CRK: variants seen among roughly 807,000 people sequenced by gnomAD.
CRK encodes CRK proto-oncogene, adaptor protein, also known as adapter molecule crk.
A neutral mutation model predicts 29.8 loss-of-function variants in CRK; 4 were observed. The observed-to-expected ratio is 0.13, with a 90% confidence interval of 0.07 to 0.31. The LOEUF is 0.31. Among genes scored for constraint, CRK ranks in the 10% least tolerant of loss-of-function variants. The pLI is 1.00. For missense variants in CRK, 274 were observed against 396.5 expected, an observed-to-expected ratio of 0.69 and a Z score of 2.62; for synonymous variants, 153 against 164.9, an observed-to-expected ratio of 0.93 and a Z score of 0.55.
chr17:1,428,236 A>G (rs1483075069), intron 2 of CRK, among the ~76,000 whole-genome samples: 1 of 150,028 alleles, frequency 6.7e-6, no homozygotes, highest in African/African-American at 2.5e-5. Flanking sequence ...CTCCTGCCTC[A>G]GCCTCCAGAG....
At chr17:1,453,579 G>C (rs1285848863) in intron 1 of CRK, among the ~76,000 whole-genome samples, 1 of 152,194 alleles carries the variant, frequency 6.6e-6, no homozygotes, top group African/African-American at 2.4e-5. Flanking sequence ...AGGATAATTT[G>C]TGAGCTTATA....
In CRK at chr17:1,456,044, G is replaced by A; in HGVS notation, c.74C>T (p.Ala25Val). The change falls in exon 1 of 3, where the codon GCG (alanine) becomes GTG (valine). Residue 25 changes from alanine to valine, a missense_variant. By Grantham distance (64) the Ala-to-Val change is moderately conservative. Transcript: ENST00000300574. ...WGRLSRQEAV[A>V]LLQGQRHGVF... ...CCCGTGCCGCTGGCCCTGCAGCAGC[G>A]CCACCGCCTCCTGCCGACTCAACCT... 1 of 1,593,580 alleles carries A rather than the reference G, an allele frequency of 6.3e-7. No homozygotes were observed. Among genetic ancestry groups the A allele is most frequent in the Non-Finnish European group, 8.5e-7 (1 of 1,172,150 alleles).
At chr17:1,453,321 T>C (rs763423123) in intron 1 of CRK, among the ~76,000 whole-genome samples, 28 of 152,150 alleles carry the variant, frequency 1.8e-4, no homozygotes, top group Admixed American at 3.3e-4. Context: ...TATGCTAAGA[T>C]ATGAAAAAAT....
chr17:1,429,924 CAA>C (rs958667439), intron 2 of CRK, among the ~76,000 whole-genome samples: 8 of 127,658 alleles, frequency 6.3e-5, no homozygotes, highest in African/African-American at 8.7e-5. Context: ...AGCCTGATCT[CAA>C]AAAAAAAAAA....
At chr17:1,431,292 C>T (rs1013787346) in intron 2 of CRK, among the ~76,000 whole-genome samples, 3 of 151,962 alleles carry the variant, frequency 2.0e-5, no homozygotes, top group Admixed American at 6.6e-5. Flanking sequence ...GGAAGAAGGC[C>T]GGAGGGGGTG....
intron 1 of CRK, among the ~76,000 whole-genome samples, chr17:1,448,716 A>G (rs2150912601): frequency 6.6e-6 from 1 of 151,434 alleles, no homozygotes; most frequent in Middle Eastern, 3.4e-3. Context: ...GCAATTTTCA[A>G]TTCATCCTCA....
chr17:1,422,786 A>G lies in CRK; in HGVS notation c.*727T>C. ...GACTGGCTGTCCACTTAGTGAATCCAACACTGGCTTAAAGCTATGCACTGA... is the reference window on the plus strand; with the variant it reads ...GACTGGCTGTCCACTTAGTGAATCCGACACTGGCTTAAAGCTATGCACTGA... On this transcript the variant is annotated 3_prime_UTR_variant, in exon 3 of 3. Coordinates refer to ENST00000300574, the MANE Select transcript of CRK (RefSeq NM_016823.4). The G allele has an allele frequency of 7.6e-6, 3 of 397,294 alleles. No individual in the cohort carries two copies. The highest frequency in any genetic ancestry group is 1.3e-5 in the Non-Finnish European group (3 of 225,542). The allele number at this position is 397,294 out of a possible 1,614,324, so 24.6% of individuals were successfully genotyped here. A position where few individuals can be genotyped will look rare whatever the true frequency, so the allele number is the denominator to read the frequency against.
At chr17:1,451,653 C>T (rs1373853126) in intron 1 of CRK, among the ~76,000 whole-genome samples, 11 of 152,052 alleles carry the variant, frequency 7.2e-5, no homozygotes, top group African/African-American at 1.9e-4. Flanking sequence ...AAGTTAAGGG[C>T]TGTAGTGCAC....
At chr17:1,441,786 G>A (rs577259312) in intron 1 of CRK, among the ~76,000 whole-genome samples, 6 of 152,076 alleles carry the variant, frequency 3.9e-5, no homozygotes, top group East Asian at 1.9e-4. Flanking sequence ...CACTGTGCCC[G>A]GCCCTTCACC....
Position 1,420,935 on chromosome 17 carries a change from T to A in CRK, c.*2578A>T, listed in dbSNP as rs1281567002. 1 of 152,188 alleles carries A rather than the reference T, an allele frequency of 6.6e-6. No homozygotes were observed. Among genetic ancestry groups the A allele is most frequent in the African/African-American group, 2.4e-5 (1 of 41,474 alleles). The allele number at this position is 152,188 out of a possible 1,614,324, so 9.4% of individuals were successfully genotyped here. A position where few individuals can be genotyped will look rare whatever the true frequency, so the allele number is the denominator to read the frequency against. ...TGTGGATAATTAAAAATTATCTATT[T>A]GCATTATTAACAATAAACAATTCCA... On this transcript the variant is annotated 3_prime_UTR_variant, in exon 3 of 3. Transcript: ENST00000300574.
At chr17:1,450,840 C>A (rs758952165) in intron 1 of CRK, among the ~76,000 whole-genome samples, 1 of 151,928 alleles carries the variant, frequency 6.6e-6, no homozygotes, top group Admixed American at 6.6e-5. Flanking sequence ...GAGCTGAGAT[C>A]GCGCCACTGC....
At chr17:1,440,820 C>G (rs920358980) in intron 1 of CRK, among the ~76,000 whole-genome samples, 26 of 152,266 alleles carry the variant, frequency 1.7e-4, no homozygotes, top group African/African-American at 6.3e-4. Context: ...GGGAGAATCG[C>G]CTGAGCCCAG....
intron 2 of CRK, among the ~76,000 whole-genome samples, chr17:1,431,799 C>G (rs1330733683): frequency 1.3e-5 from 2 of 152,134 alleles, no homozygotes; most frequent in Admixed American, 6.5e-5. Flanking sequence ...CTAGGGTGTA[C>G]TACTTCAAAT....
chr17:1,450,729 CA>C (rs962763335), intron 1 of CRK, among the ~76,000 whole-genome samples: 3 of 151,344 alleles, frequency 2.0e-5, no homozygotes, highest in Admixed American at 2.0e-4. Context: ...ACTAAAAATA[CA>C]AAAAAATTGG....
rs1327290130 is a variant in CRK at position 1,450,829 on chromosome 17, T to C, written c.241+5048A>G. Among the ~76,000 whole-genome samples, 5 of 151,892 alleles carry C rather than the reference T, an allele frequency of 3.3e-5. No homozygotes were observed. The East Asian group carries it at 9.7e-4, about 30-fold the overall frequency. ...TGAACCCAGGAGGTGGAGGGTACAG[T>C]GAGCTGAGATCGCGCCACTGCACTC... On this transcript the variant is annotated intron_variant, in intron 1 of 2. Transcript: ENST00000300574.
intron 2 of CRK, among the ~76,000 whole-genome samples, chr17:1,431,015 C>T (rs1443600321): frequency 2.0e-5 from 3 of 151,750 alleles, no homozygotes; most frequent in Non-Finnish European, 1.5e-5. Context: ...TCGCAGTGAG[C>T]CGAGATCACG....
At chr17:1,447,899 G>A (rs1027140547) in intron 1 of CRK, among the ~76,000 whole-genome samples, 5 of 151,802 alleles carry the variant, frequency 3.3e-5, no homozygotes, top group Admixed American at 6.6e-5. Flanking sequence ...TTACAGGCGC[G>A]AGCCACCACA....
At chr17:1,436,264 T>C (rs2073885389) in intron 2 of CRK, among the ~76,000 whole-genome samples, 1 of 152,198 alleles carries the variant, frequency 6.6e-6, no homozygotes, top group Non-Finnish European at 1.5e-5. Flanking sequence ...CAAATCCATC[T>C]GAACCCACCT....
chr17:1,437,706 T>C (rs1288585894), intron 1 of CRK, among the ~76,000 whole-genome samples: 1 of 150,876 alleles, frequency 6.6e-6, no homozygotes, highest in Non-Finnish European at 1.5e-5. Flanking sequence ...CAGGCTGGAG[T>C]GTAGTGGCGT....
Sources: gnomAD v4.1 joint callset for allele counts (sites outside exome capture counted in the v4.1 genomes callset) on GRCh38, gnomAD v4.1.1 for gene constraint, MANE v1.5 for transcripts, NCBI Gene and HGNC (gene_info 2026-07-23, HGNC 2026-07-21) for gene names.